Variants in SIK2 observed in about 807,000 individuals in gnomAD.
The protein encoded by SIK2 is serine/threonine-protein kinase SIK2.
In SIK2, 29 loss-of-function variants were observed where a neutral mutation model predicts 103.2. That is an observed-to-expected ratio of 0.28 (90% CI 0.21 to 0.38). The LOEUF (loss-of-function observed/expected upper bound fraction) is 0.38, where lower values mean the gene tolerates loss of function less well. Among genes scored for constraint, SIK2 ranks in the 10% least tolerant of loss-of-function variants. The pLI is 1.00. For missense variants in SIK2, 879 were observed against 1,171.0 expected (o/e 0.75, Z 3.64); for synonymous variants, 412 against 446.1 (o/e 0.92, Z 0.96).
intron 6 of SIK2, among the ~76,000 whole-genome samples, chr11:111,702,341 C>T (rs1474243454): frequency 6.6e-6 from 1 of 152,120 alleles, no homozygotes; most frequent in Non-Finnish European, 1.5e-5. Flanking sequence ...GTCCAGTGGT[C>T]TGGGAGGCTG....
chr11:111,627,101 A>C (rs1941971204), intron 3 of SIK2, among the ~76,000 whole-genome samples: 2 of 152,134 alleles, frequency 1.3e-5, no homozygotes, highest in Non-Finnish European at 2.9e-5. Context: ...CTATATATGA[A>C]ATATATAGGG....
intron 3 of SIK2, among the ~76,000 whole-genome samples, chr11:111,667,353 A>C (rs1206399117): frequency 6.6e-6 from 1 of 152,196 alleles, no homozygotes; most frequent in East Asian, 1.9e-4. Flanking sequence ...GTGTGATGAA[A>C]AGGCAGTCTC....
intron 14 of SIK2, 68 bp from the exon 15 acceptor site, chr11:111,723,428 G>A: frequency 6.7e-7 from 1 of 1,481,746 alleles, no homozygotes; most frequent in East Asian, 2.3e-5. Flanking sequence ...GACTGGTATT[G>A]CATTTACATT....
At chr11:111,614,298 G>A (rs1386307388) in intron 1 of SIK2, among the ~76,000 whole-genome samples, 1 of 151,940 alleles carries the variant, frequency 6.6e-6, no homozygotes, top group Non-Finnish European at 1.5e-5. Flanking sequence ...TGGCCAGGCT[G>A]GTCTGAAACT....
In SIK2 at chr11:111,703,187, A is replaced by T. The variant is rs751592151; in HGVS notation, c.728-16A>T. ...AGGTGATTCTTGTGACTTTTGTAAC[A>T]TTGTGTTTTCTATAGATTGCGAGCA... On this transcript the variant is annotated splice_polypyrimidine_tract_variant and intron_variant, in intron 6 of 14. Coordinates refer to ENST00000304987, the MANE Select transcript of SIK2 (RefSeq NM_015191.3). The T allele has an allele frequency of 2.5e-6, 4 of 1,611,926 alleles. No individual in the cohort carries two copies. In the East Asian group the frequency reaches 8.9e-5, roughly 36 times the overall value.
At chr11:111,682,760 A>G (rs946457168) in intron 3 of SIK2, among the ~76,000 whole-genome samples, 3 of 152,226 alleles carry the variant, frequency 2.0e-5, no homozygotes, top group African/African-American at 7.2e-5. Flanking sequence ...ATACCTGTGA[A>G]ACAATGTATT....
intron 3 of SIK2, among the ~76,000 whole-genome samples, chr11:111,658,369 C>A (rs532692070): frequency 6.6e-6 from 1 of 152,098 alleles, no homozygotes; most frequent in East Asian, 1.9e-4. Flanking sequence ...GTGATCCACC[C>A]GTCTTGGCCT....
At chr11:111,661,444 T>C (rs1034838557) in intron 3 of SIK2, among the ~76,000 whole-genome samples, 4 of 152,216 alleles carry the variant, frequency 2.6e-5, no homozygotes, top group Non-Finnish European at 4.4e-5. Flanking sequence ...TGGTTTTAGA[T>C]ACTTCTATAA....
At chr11:111,699,880 C>A (rs992018946) in intron 4 of SIK2, among the ~76,000 whole-genome samples, 7 of 152,202 alleles carry the variant, frequency 4.6e-5, no homozygotes, top group African/African-American at 9.6e-5. Context: ...GCAGTAGAGA[C>A]TTGATCCAGT....
At chr11:111,674,904 A>G (rs550280302) in intron 3 of SIK2, among the ~76,000 whole-genome samples, 54 of 152,136 alleles carry the variant, frequency 3.5e-4, no homozygotes, top group Non-Finnish European at 4.0e-4. Context: ...ATGCCACTTC[A>G]CCCAGCTAAT....
At chr11:111,718,311 G>T (rs142831258) in intron 9 of SIK2, among the ~76,000 whole-genome samples, 1 of 152,158 alleles carries the variant, frequency 6.6e-6, no homozygotes, top group African/African-American at 2.4e-5. Flanking sequence ...ATTCTTTCTT[G>T]CAAGGAAACT....
At chr11:111,620,936 A>G (rs1941874715) in intron 3 of SIK2, among the ~76,000 whole-genome samples, 1 of 152,154 alleles carries the variant, frequency 6.6e-6, no homozygotes, top group Non-Finnish European at 1.5e-5. Context: ...GGTGTTTATG[A>G]TTCATTCGAA....
intron 2 of SIK2, among the ~76,000 whole-genome samples, chr11:111,619,923 A>G (rs894461450): frequency 2.0e-5 from 3 of 152,226 alleles, no homozygotes; most frequent in Non-Finnish European, 2.9e-5. Context: ...CCATGATAAC[A>G]TAGGACTAGA....
intron 1 of SIK2, among the ~76,000 whole-genome samples, chr11:111,614,457 C>T (rs1941775737): frequency 6.6e-6 from 1 of 152,128 alleles, no homozygotes; most frequent in South Asian, 2.1e-4. Flanking sequence ...AGTCCATTAA[C>T]ACATATTTTG....
chr11:111,668,836 A>T (rs1942584813), intron 3 of SIK2, among the ~76,000 whole-genome samples: 1 of 152,240 alleles, frequency 6.6e-6, no homozygotes, highest in African/African-American at 2.4e-5. Flanking sequence ...AGGAGGATTG[A>T]TGCAGTTCAA....
chr11:111,620,294 T>G, intron 2 of SIK2, 45 bp from the exon 3 acceptor site: 1 of 1,217,520 alleles, frequency 8.2e-7, no homozygotes, highest in East Asian at 2.5e-5. Context: ...TGTGGAAAAT[T>G]CCAGTACATT....
chr11:111,627,024 A>G (rs1383388925), intron 3 of SIK2, among the ~76,000 whole-genome samples: 2 of 152,214 alleles, frequency 1.3e-5, no homozygotes, highest in Non-Finnish European at 2.9e-5. Flanking sequence ...AAGGAATCCA[A>G]CTAAGAAGGC....
At chr11:111,712,622 C>G (rs1190714315) in intron 9 of SIK2, among the ~76,000 whole-genome samples, 1 of 152,210 alleles carries the variant, frequency 6.6e-6, no homozygotes, top group Non-Finnish European at 1.5e-5. Context: ...TCCTCCCTGT[C>G]TTTCTCGCTC....
At chr11:111,603,661 CA>C (rs1320678216) in intron 1 of SIK2, among the ~76,000 whole-genome samples, 1 of 152,060 alleles carries the variant, frequency 6.6e-6, no homozygotes, top group African/African-American at 2.4e-5. Context: ...TTAAGACGTG[CA>C]AATTAAATAC....
Sources: gnomAD v4.1 joint callset for allele counts (sites outside exome capture counted in the v4.1 genomes callset) on GRCh38, gnomAD v4.1.1 for gene constraint, MANE v1.5 for transcripts, NCBI Gene and HGNC (gene_info 2026-07-23, HGNC 2026-07-21) for gene names.